The following CYP7B1 variants were observed in gnomAD, a reference collection of about 807,000 sequenced individuals.
CYP7B1 encodes cytochrome P450 7B1.
A neutral mutation model predicts 42.7 loss-of-function variants in CYP7B1; 29 were observed. That is an observed-to-expected ratio of 0.68 (90% CI 0.51 to 0.93). The LOEUF (loss-of-function observed/expected upper bound fraction) is 0.93, where lower values mean the gene tolerates loss of function less well. Among genes scored for constraint, CYP7B1 ranks in the 40% least tolerant of loss-of-function variants. CYP7B1 has a pLI of 0.00. For missense variants in CYP7B1, 655 were observed against 600.5 expected, an observed-to-expected ratio of 1.09 and a Z score of -0.95; for synonymous variants, 235 against 218.2, an observed-to-expected ratio of 1.08 and a Z score of -0.68.
At chr8:64,787,594 C>G (rs569259235) in intron 1 of CYP7B1, among the ~76,000 whole-genome samples, 1 of 152,330 alleles carries the variant, frequency 6.6e-6, no homozygotes, top group Non-Finnish European at 1.5e-5. Context: ...CCCTCCAAGT[C>G]TCTAAGAAGT....
intron 1 of CYP7B1, among the ~76,000 whole-genome samples, chr8:64,772,597 C>A (rs925196964): frequency 1.7e-4 from 26 of 152,174 alleles, no homozygotes; most frequent in African/African-American, 5.8e-4. Context: ...CTTATGCACA[C>A]ACAGGCGCAC....
chr8:64,746,652 C>T (rs1563413123), intron 1 of CYP7B1, among the ~76,000 whole-genome samples: 1 of 152,058 alleles, frequency 6.6e-6, no homozygotes, highest in East Asian at 1.9e-4. Flanking sequence ...ATTTTAATTT[C>T]AAAAACAAAT....
In CYP7B1 at chr8:64,631,075, AT is replaced by A. The variant is rs764971089; in HGVS notation, c.123-6537del. On this transcript the variant is annotated intron_variant, in intron 1 of 5. Coordinates refer to ENST00000310193, the MANE Select transcript of CYP7B1 (RefSeq NM_004820.5). ...AAGCAGAGGGAGCATGTCCTAACTC[AT>A]TCCATGAGGCCAGCATTACCCTAAT... Among the ~76,000 whole-genome samples the A allele has an allele frequency of 7.9e-5, 12 of 152,336 alleles. 1 individual carries two copies. Among genetic ancestry groups the A allele is most frequent in the Non-Finnish European group, 1.5e-4 (10 of 68,026 alleles).
At chr8:64,717,149 G>A (rs913319223) in intron 1 of CYP7B1, among the ~76,000 whole-genome samples, 3 of 151,570 alleles carry the variant, frequency 2.0e-5, no homozygotes, top group African/African-American at 7.3e-5. Flanking sequence ...AGCTTTTTAT[G>A]ATTAATGTTT....
chr8:64,719,910 G>A (rs1224016892), intron 1 of CYP7B1, among the ~76,000 whole-genome samples: 1 of 152,166 alleles, frequency 6.6e-6, no homozygotes, highest in Non-Finnish European at 1.5e-5. Context: ...TCTATTTGAC[G>A]ACTTTAACTC....
At chr8:64,722,464 C>T (rs945111872) in intron 1 of CYP7B1, among the ~76,000 whole-genome samples, 4 of 151,906 alleles carry the variant, frequency 2.6e-5, no homozygotes, top group African/African-American at 4.8e-5. Context: ...TGATAAATAC[C>T]TTTCTAACTT....
intron 1 of CYP7B1, among the ~76,000 whole-genome samples, chr8:64,681,633 A>G (rs1436234569): frequency 6.6e-6 from 1 of 152,210 alleles, no homozygotes; most frequent in Non-Finnish European, 1.5e-5. Context: ...AAAGGCCTGC[A>G]CAGTGAGCAG....
intron 1 of CYP7B1, among the ~76,000 whole-genome samples, chr8:64,684,172 G>T (rs889289854): frequency 6.6e-6 from 1 of 152,236 alleles, no homozygotes; most frequent in African/African-American, 2.4e-5. Context: ...ATTGTTAAAT[G>T]AATGCATGGT....
At chr8:64,712,763 T>C (rs1807100077) in intron 1 of CYP7B1, among the ~76,000 whole-genome samples, 1 of 63,066 alleles carries the variant, frequency 1.6e-5, no homozygotes, top group East Asian at 3.2e-4. Flanking sequence ...GTGTTATGTG[T>C]ATGTATATTT....
chr8:64,756,957 G>A (rs562958749), intron 1 of CYP7B1, among the ~76,000 whole-genome samples: 4 of 152,288 alleles, frequency 2.6e-5, no homozygotes, highest in Admixed American at 6.5e-5. Context: ...TGAGTCAGAC[G>A]TACAGTGGGG....
At chr8:64,612,741 TATAATG>T (rs1029467704) in intron 4 of CYP7B1, among the ~76,000 whole-genome samples, 1 of 152,136 alleles carries the variant, frequency 6.6e-6, no homozygotes, top group Non-Finnish European at 1.5e-5. Flanking sequence ...TTTTTCCTCT[TATAATG>T]ATAAAAGTTT....
chr8:64,783,264 C>T (rs991593232), intron 1 of CYP7B1, among the ~76,000 whole-genome samples: 4 of 152,152 alleles, frequency 2.6e-5, no homozygotes, highest in Admixed American at 1.3e-4. Flanking sequence ...ATCTAGAGCA[C>T]GAAGGATCTT....
chr8:64,587,452 C>A (rs1034955267), downstream of CYP7B1, among the ~76,000 whole-genome samples: 2 of 152,208 alleles, frequency 1.3e-5, no homozygotes, highest in Non-Finnish European at 2.9e-5. Flanking sequence ...ATCGGGTTGT[C>A]CCCTGTATGG....
intron 1 of CYP7B1, among the ~76,000 whole-genome samples, chr8:64,794,683 T>C (rs1471060505): frequency 6.6e-6 from 1 of 152,276 alleles, no homozygotes; most frequent in South Asian, 2.1e-4. Context: ...CTTAATACCA[T>C]CACCTTGGGA....
intron 1 of CYP7B1, among the ~76,000 whole-genome samples, chr8:64,787,932 G>A (rs949151597): frequency 1.3e-5 from 2 of 152,156 alleles, no homozygotes; most frequent in Admixed American, 1.3e-4. Context: ...GCCAGCAGGA[G>A]AAATATCAGA....
chr8:64,625,085 C>T (rs1175542496), intron 1 of CYP7B1, among the ~76,000 whole-genome samples: 1 of 149,820 alleles, frequency 6.7e-6, no homozygotes, highest in Admixed American at 6.7e-5. Flanking sequence ...GCCATTCTCC[C>T]GCCTCAGCCT....
At chr8:64,755,400 G>A (rs756318751) in intron 1 of CYP7B1, among the ~76,000 whole-genome samples, 4 of 152,070 alleles carry the variant, frequency 2.6e-5, no homozygotes, top group South Asian at 2.1e-4. Flanking sequence ...ACCAGAGTCC[G>A]GCAATTTATT....
At chr8:64,671,092 A>G (rs112773356) in intron 1 of CYP7B1, among the ~76,000 whole-genome samples, 10 of 152,136 alleles carry the variant, frequency 6.6e-5, no homozygotes, top group African/African-American at 2.4e-4. Context: ...CCTCCCCCCC[A>G]TGTATATATA....
chr8:64,588,011 C>T (rs556860057), downstream of CYP7B1, among the ~76,000 whole-genome samples: 1 of 152,142 alleles, frequency 6.6e-6, no homozygotes, highest in African/African-American at 2.4e-5. Flanking sequence ...TTCCCAAAGA[C>T]CACAGTTGCC....
Sources: gnomAD v4.1 joint callset for allele counts (sites outside exome capture counted in the v4.1 genomes callset) on GRCh38, gnomAD v4.1.1 for gene constraint, MANE v1.5 for transcripts, NCBI Gene and HGNC (gene_info 2026-07-23, HGNC 2026-07-21) for gene names.